Variants in COL14A1 observed in about 807,000 individuals in gnomAD.
The protein encoded by COL14A1 is collagen alpha-1(XIV) chain.
A neutral mutation model predicts 230.3 loss-of-function variants in COL14A1; 136 were observed. The observed-to-expected ratio is 0.59, with a 90% CI of 0.51 to 0.68. The LOEUF (loss-of-function observed/expected upper bound fraction) is 0.68, where lower values mean the gene tolerates loss of function less well. COL14A1 is among the 30% of genes least tolerant of loss of function. The pLI, the probability that COL14A1 is intolerant of heterozygous loss-of-function variation, is 0.00. For missense variants in COL14A1, 1,976 were observed against 2,215.8 expected, an observed-to-expected ratio of 0.89 and a Z score of 2.17; for synonymous variants, 792 against 784.1, an observed-to-expected ratio of 1.01 and a Z score of -0.17.
rs757062976 is a variant in COL14A1, at chr8:120,228,694, A to G, written c.2138-16A>G. ...AGTTGTTTTTGCAGCATTTTAAAGT[A>G]ATATATTGCTTTTAGTTGACAGTTT... On this transcript the variant is annotated splice_polypyrimidine_tract_variant and intron_variant, in intron 17 of 47. Coordinates refer to ENST00000297848, the MANE Select transcript of COL14A1 (RefSeq NM_021110.4). The G allele has an allele frequency of 3.1e-6, 5 of 1,605,824 alleles. No individual in the cohort carries two copies. The Admixed American group carries it at 8.3e-5, about 27-fold the overall frequency.
At chr8:120,279,140 G>A (rs1312019305) in intron 28 of COL14A1, among the ~76,000 whole-genome samples, 2 of 150,920 alleles carry the variant, frequency 1.3e-5, no homozygotes, top group African/African-American at 4.9e-5. Flanking sequence ...TCACACACGG[G>A]GGCCTGTCGG....
chr8:120,348,380 G>A (rs1237584427), intron 45 of COL14A1, among the ~76,000 whole-genome samples: 1 of 151,352 alleles, frequency 6.6e-6, no homozygotes, highest in Non-Finnish European at 1.5e-5. Context: ...GGCATTCACA[G>A]TAACCCAGAT....
At position 120,280,084 on chromosome 8, in the gene COL14A1, G is replaced by A. The variant is rs770642323; in HGVS notation, c.3631G>A (p.Glu1211Lys). Residue 1211 changes from glutamate to lysine, a missense_variant, in exon 29 of 48, where the codon GAA becomes AAA. Physicochemically the swap from Glu to Lys is moderately conservative, Grantham distance 56. This residue lies in a region of COL14A1 where 1,791 missense variants were observed against 2,019.5 expected (regional missense o/e 0.89). Transcript: ENST00000297848. ...IEDELITFVCETASATCPVVH... is the reference protein window; with the variant it reads ...IEDELITFVCKTASATCPVVH... ...AGATGAGTTAATTACTTTTGTCTGCGAAACAGCATCAGCAAGTTAGTTCTT... is the reference window on the plus strand; with the variant it reads ...AGATGAGTTAATTACTTTTGTCTGCAAAACAGCATCAGCAAGTTAGTTCTT... 15 of 1,613,534 alleles carry A rather than the reference G, an allele frequency of 9.3e-6. No individual in the cohort carries two copies. In the Admixed American group the frequency reaches 1.0e-4, roughly 11 times the overall value.
At chr8:120,370,302 C>G (rs1250048822) in intron 47 of COL14A1, 1 of 1,598,434 alleles carries the variant, frequency 6.3e-7, no homozygotes, top group East Asian at 2.2e-5. Context: ...TCTTTTCCCT[C>G]CCTGTTCTCT....
chr8:120,341,098 A>T (rs1822278352), intron 42 of COL14A1, among the ~76,000 whole-genome samples: 1 of 152,218 alleles, frequency 6.6e-6, no homozygotes, highest in Admixed American at 6.5e-5. Flanking sequence ...GCCAAAATAT[A>T]CCATGTCTCT....
chr8:120,189,111 T>C (rs565481483), intron 5 of COL14A1, among the ~76,000 whole-genome samples: 9 of 152,216 alleles, frequency 5.9e-5, no homozygotes, highest in Non-Finnish European at 1.3e-4. Flanking sequence ...ACAGCTGGAA[T>C]TATGGTTAAG....
In COL14A1 at chr8:120,345,454, T is replaced by A; in HGVS notation, c.4968T>A (p.Pro1656=). ...SSSIRTVQGP[P]GEPGRPGSPG... is the part of the protein sequence containing the mutation. ...CCATCCGGACTGTCCAAGGGCCTCC[T>A]GGGGAGCCTGGGAGGCCAGGCTCAC... Residue 1656 remains proline, a synonymous_variant, in exon 45 of 48, where the codon CCT becomes CCA. Coordinates refer to ENST00000297848, the MANE Select transcript of COL14A1 (RefSeq NM_021110.4). 1.9e-6 allele frequency: 3 copies of A among 1,603,438 alleles called. No individual in the cohort carries two copies. Among genetic ancestry groups the A allele is most frequent in the Non-Finnish European group, 1.7e-6 (2 of 1,175,126 alleles).
In COL14A1 at chr8:120,131,204, G is replaced by A. The variant is rs111758466; in HGVS notation, c.-38+5864G>A. Among the ~76,000 whole-genome samples, 888 of 152,280 alleles carry A rather than the reference G, an allele frequency of 5.8e-3. 9 individuals carry two copies. The highest frequency in any genetic ancestry group is 0.018 in the African/African-American group (762 of 41,546). ...TAGGAGTGCATGTGTCTTTTTGGTA[G>A]AATTATTTATATTCCTTTGCGTATA... On this transcript the variant is annotated intron_variant, in intron 1 of 47. Coordinates refer to ENST00000297848, the MANE Select transcript of COL14A1 (RefSeq NM_021110.4).
intron 45 of COL14A1, among the ~76,000 whole-genome samples, chr8:120,361,909 A>G (rs1390259255): frequency 6.6e-6 from 1 of 152,238 alleles, no homozygotes; most frequent in Non-Finnish European, 1.5e-5. Context: ...TGGACATGTT[A>G]GTGTGAGCAG....
At chr8:120,210,302 C>G (rs1388366636) in intron 12 of COL14A1, among the ~76,000 whole-genome samples, 1 of 152,106 alleles carries the variant, frequency 6.6e-6, no homozygotes, top group Non-Finnish European at 1.5e-5. Context: ...TGTGAATATT[C>G]CTAACATATG....
At position 120,199,537 on chromosome 8, in the gene COL14A1, G is replaced by C; in HGVS notation, c.848G>C (p.Arg283Pro). ...ATTATTCCACCATCTAGAAATCTTC[G>C]TGAGTCTGGTGTAGAACTGTTTGCC... ...DDIIPPSRNL[R>P]ESGVELFAIG... The change falls in exon 8 of 48, where the codon CGT becomes CCT. Residue 283 changes from arginine (R) to proline (P), a missense_variant. By Grantham distance (103) the Arg-to-Pro change is moderately radical. This residue lies in a region of COL14A1 where 1,791 missense variants were observed against 2,019.5 expected (regional missense o/e 0.89). Coordinates refer to ENST00000297848, the MANE Select transcript of COL14A1 (RefSeq NM_021110.4). The C allele has an allele frequency of 6.2e-7, 1 of 1,612,782 alleles. No homozygotes were observed. Among genetic ancestry groups the C allele is most frequent in the Non-Finnish European group, 8.5e-7 (1 of 1,179,518 alleles).
intron 5 of COL14A1, among the ~76,000 whole-genome samples, chr8:120,168,530 A>G (rs1336080971): frequency 6.6e-6 from 1 of 152,132 alleles, no homozygotes; most frequent in Non-Finnish European, 1.5e-5. Flanking sequence ...TTACATGCCA[A>G]TTCATATAGG....
At chr8:120,354,196 T>A (rs554582984) in intron 45 of COL14A1, among the ~76,000 whole-genome samples, 4 of 105,802 alleles carry the variant, frequency 3.8e-5, no homozygotes, top group Middle Eastern at 4.9e-3. Flanking sequence ...AACAATGAGA[T>A]CACATGGACA....
intron 35 of COL14A1, among the ~76,000 whole-genome samples, chr8:120,298,462 A>C (rs1586842171): frequency 6.6e-6 from 1 of 151,110 alleles, no homozygotes; most frequent in African/African-American, 2.4e-5. Flanking sequence ...TGATGGTGTA[A>C]ATATTTATGT....
intron 29 of COL14A1, 58 bp downstream of exon 29, chr8:120,280,157 C>A (rs560341794): frequency 1.8e-5 from 28 of 1,564,822 alleles, no homozygotes; most frequent in Non-Finnish European, 2.3e-5. Context: ...ATATTTGACA[C>A]TGGTTAAATA....
At chr8:120,145,575 C>T (rs1815065894) in intron 1 of COL14A1, among the ~76,000 whole-genome samples, 1 of 152,186 alleles carries the variant, frequency 6.6e-6, no homozygotes, top group Non-Finnish European at 1.5e-5. Context: ...GCAGATCGCA[C>T]CGTTGCACTC....
chr8:120,237,694 C>T (rs535462401), intron 19 of COL14A1, among the ~76,000 whole-genome samples: 1 of 152,306 alleles, frequency 6.6e-6, no homozygotes, highest in East Asian at 1.9e-4. Context: ...AAGGGGCATT[C>T]TGGTTTTTGA....
chr8:120,273,884 T>G (rs1433788111), intron 26 of COL14A1, among the ~76,000 whole-genome samples: 1 of 151,248 alleles, frequency 6.6e-6, no homozygotes, highest in South Asian at 2.1e-4. Flanking sequence ...TGGTACCAAT[T>G]GTATGGAAAC....
At chr8:120,155,030 C>G (rs1160744942) in intron 2 of COL14A1, among the ~76,000 whole-genome samples, 1 of 152,070 alleles carries the variant, frequency 6.6e-6, no homozygotes, top group East Asian at 1.9e-4. Flanking sequence ...ACTAGCATTT[C>G]TTCTTTTCAA....
Sources: allele counts gnomAD v4.1 joint callset (sites outside exome capture counted in the v4.1 genomes callset), GRCh38; gene constraint gnomAD v4.1.1; regional missense constraint gnomAD v4.1.1; transcripts MANE v1.5; gene names NCBI Gene and HGNC (gene_info 2026-07-23, HGNC 2026-07-21).